The following GALNTL6 variants were observed in gnomAD, a reference collection of about 807,000 sequenced individuals.
The protein encoded by GALNTL6 is polypeptide N-acetylgalactosaminyltransferase like 6.
In GALNTL6, 46 loss-of-function variants were observed where a neutral mutation model predicts 73.7. That is an observed-to-expected ratio of 0.62 (90% CI 0.49 to 0.80). GALNTL6 has a LOEUF of 0.80. Among genes scored for constraint, GALNTL6 ranks in the 30% least tolerant of loss-of-function variants. The probability of loss-of-function intolerance (pLI) is 0.00; values close to 1 mark genes in which losing one functional copy is unlikely to be tolerated. For missense variants in GALNTL6, 604 were observed against 755.0 expected (o/e 0.80, Z 2.34); for synonymous variants, 259 against 263.7 (o/e 0.98, Z 0.17).
At position 172,572,402 on chromosome 4, in the gene GALNTL6, A is replaced by G. The variant is rs532639555; in HGVS notation, c.553+223713A>G. ...CTAATCCTATTTTTAAAAATAAGGA[A>G]TTAGGATTCAGAGTCATTACATAAC... On this transcript the variant is annotated intron_variant, in intron 5 of 12. Coordinates refer to ENST00000506823, the MANE Select transcript of GALNTL6 (RefSeq NM_001034845.3). Among the ~76,000 whole-genome samples, 112 of 152,322 alleles carry G rather than the reference A, an allele frequency of 7.4e-4. 2 individuals carry two copies. In the South Asian group the frequency reaches 0.013, roughly 17 times the overall value.
chr4:172,548,661 T>G (rs1735856267), intron 5 of GALNTL6, among the ~76,000 whole-genome samples: 1 of 152,204 alleles, frequency 6.6e-6, no homozygotes, highest in Admixed American at 6.5e-5. Context: ...CATCCTTTCC[T>G]AAGTTCACAT....
At chr4:172,622,818 G>A (rs1739015103) in intron 5 of GALNTL6, among the ~76,000 whole-genome samples, 1 of 152,086 alleles carries the variant, frequency 6.6e-6, no homozygotes, top group Non-Finnish European at 1.5e-5. Context: ...TCTAGAAGAG[G>A]TTTCTTTAAT....
chr4:172,620,900 T>C (rs758817836), intron 5 of GALNTL6, among the ~76,000 whole-genome samples: 1 of 152,222 alleles, frequency 6.6e-6, no homozygotes, highest in African/African-American at 2.4e-5. Flanking sequence ...CAAACTCTGG[T>C]TCCATTTAGA....
intron 2 of GALNTL6, among the ~76,000 whole-genome samples, chr4:172,146,189 T>C (rs571395572): frequency 1.4e-4 from 21 of 152,294 alleles, no homozygotes; most frequent in African/African-American, 5.1e-4. Context: ...AAAATAATCC[T>C]TACTCCAAAA....
At chr4:172,996,261 C>A (rs1265043815) in intron 10 of GALNTL6, among the ~76,000 whole-genome samples, 1 of 151,954 alleles carries the variant, frequency 6.6e-6, no homozygotes, top group African/African-American at 2.4e-5. Flanking sequence ...AGCTGGAGGC[C>A]GTTATCCTTA....
At chr4:172,544,154 C>G (rs1219699331) in intron 5 of GALNTL6, among the ~76,000 whole-genome samples, 1 of 152,110 alleles carries the variant, frequency 6.6e-6, no homozygotes, top group Non-Finnish European at 1.5e-5. Context: ...AGGACCAGAT[C>G]CTGGTATAGG....
rs1434652996 is a variant in GALNTL6, at chr4:171,864,666, C to T, written c.138+49948C>T. On this transcript the variant is annotated intron_variant, in intron 2 of 12. Transcript: ENST00000506823. ...GTTTTGGCTTCATTTTTAAGAGATG[C>T]AATATTTAATAACACTTCCCCCACA... Among the ~76,000 whole-genome samples the T allele has an allele frequency of 2.6e-5, 4 of 152,200 alleles. No homozygotes were observed. The South Asian group carries it at 8.3e-4, about 32-fold the overall frequency.
At chr4:172,775,003 A>ATAATAATAAT in intron 5 of GALNTL6, among the ~76,000 whole-genome samples, 2 of 144,148 alleles carry the variant, frequency 1.4e-5, no homozygotes, top group African/African-American at 5.1e-5. Flanking sequence ...AATAATAATA[A>ATAATAATAAT]AATCCAGAAG....
intron 5 of GALNTL6, among the ~76,000 whole-genome samples, chr4:172,594,662 A>G (rs745444582): frequency 2.6e-5 from 4 of 152,184 alleles, no homozygotes; most frequent in Non-Finnish European, 5.9e-5. Flanking sequence ...TTTATTTAGT[A>G]TATCCTCTTA....
At chr4:172,960,729 T>A (rs1160090798) in intron 10 of GALNTL6, among the ~76,000 whole-genome samples, 1 of 152,182 alleles carries the variant, frequency 6.6e-6, no homozygotes, top group Non-Finnish European at 1.5e-5. Context: ...TGCCATTTTC[T>A]GGCTATTTGG....
intron 2 of GALNTL6, among the ~76,000 whole-genome samples, chr4:172,043,458 A>G (rs561496495): frequency 1.3e-5 from 2 of 152,218 alleles, no homozygotes; most frequent in African/African-American, 4.8e-5. Context: ...CACATTTCTC[A>G]GCACTGTGAG....
chr4:172,263,449 G>C (rs926291241), intron 3 of GALNTL6, among the ~76,000 whole-genome samples: 3 of 151,312 alleles, frequency 2.0e-5, no homozygotes, highest in Non-Finnish European at 4.4e-5. Flanking sequence ...TTCTAAGTGT[G>C]TCTTTCATTT....
chr4:172,362,104 A>G (rs1742390661), intron 5 of GALNTL6, among the ~76,000 whole-genome samples: 1 of 152,122 alleles, frequency 6.6e-6, no homozygotes, highest in Non-Finnish European at 1.5e-5. Context: ...AAAAATAATC[A>G]TTTCTTTCCT....
At chr4:172,017,221 A>G (rs1560886632) in intron 2 of GALNTL6, among the ~76,000 whole-genome samples, 1 of 152,098 alleles carries the variant, frequency 6.6e-6, no homozygotes, top group Non-Finnish European at 1.5e-5. Flanking sequence ...AGTGGGAGCT[A>G]CTTCAGCTCC....
intron 2 of GALNTL6, among the ~76,000 whole-genome samples, chr4:172,147,207 T>G (rs1412506667): frequency 6.6e-6 from 1 of 152,200 alleles, no homozygotes; most frequent in Non-Finnish European, 1.5e-5. Flanking sequence ...TCCCATGTAG[T>G]TTTCTTGCAT....
At chr4:172,217,900 G>A (rs1736546084) in intron 2 of GALNTL6, among the ~76,000 whole-genome samples, 1 of 152,092 alleles carries the variant, frequency 6.6e-6, no homozygotes. Flanking sequence ...TGTAGGTTTA[G>A]GTATAGGTGT....
intron 3 of GALNTL6, among the ~76,000 whole-genome samples, chr4:172,298,139 A>T (rs1016475903): frequency 2.6e-4 from 39 of 152,146 alleles, no homozygotes; most frequent in African/African-American, 9.2e-4. Context: ...TTCACTCATG[A>T]TTTGGCTCTC....
intron 10 of GALNTL6, among the ~76,000 whole-genome samples, chr4:172,960,568 A>G (rs1579711506): frequency 6.6e-6 from 1 of 152,202 alleles, no homozygotes; most frequent in Non-Finnish European, 1.5e-5. Context: ...GGCAGGAGGG[A>G]AAGAAGGAAG....
chr4:172,609,272 C>T (rs1560833736), intron 5 of GALNTL6, among the ~76,000 whole-genome samples: 1 of 152,108 alleles, frequency 6.6e-6, no homozygotes. Context: ...ATGATGTTAA[C>T]TGTAGGTTTG....
Sources: allele counts gnomAD v4.1 joint callset (sites outside exome capture counted in the v4.1 genomes callset), GRCh38; gene constraint gnomAD v4.1.1; transcripts MANE v1.5; gene names NCBI Gene and HGNC (gene_info 2026-07-23, HGNC 2026-07-21).